The following FOXN4 variants were observed in gnomAD, a reference collection of about 807,000 sequenced individuals.
FOXN4 encodes forkhead box N4.
A neutral mutation model predicts 45.0 loss-of-function variants in FOXN4; 12 were observed. That is an observed-to-expected ratio of 0.27 (90% CI 0.17 to 0.43). The LOEUF is 0.43. Among genes scored for constraint, FOXN4 ranks in the 20% least tolerant of loss-of-function variants. The pLI is 1.00. For synonymous variants in FOXN4, 297 were observed against 295.0 expected (o/e 1.01, Z -0.07); for missense variants, 560 against 694.9 (o/e 0.81, Z 2.18).
chr12:109,287,263 G>T lies in FOXN4; in HGVS notation c.596+134C>A. 8.1e-7 allele frequency: 1 copy of T among 1,230,658 alleles called. No individual in the cohort carries two copies. Among genetic ancestry groups the T allele is most frequent in the South Asian group, 1.5e-5 (1 of 65,576 alleles). 76.2% of individuals were successfully genotyped at this position (1,230,658 alleles called of 1,614,324 possible). A position where few individuals can be genotyped will look rare whatever the true frequency, so the allele number is the denominator to read the frequency against. ...TCCTGAGAACAAGTCCCACCTGGGG[G>T]TTCCCCACTCCCCAAAACCTCCCCC... On this transcript the variant is annotated intron_variant, in intron 6 of 9. Transcript: ENST00000299162. This position sits in a 1 kb window ranked among gnomAD's most constrained non-coding sequence, Gnocchi z 4.1.
At chr12:109,280,763 C>T (rs1461591060) in intron 9 of FOXN4, among the ~76,000 whole-genome samples, 1 of 152,212 alleles carries the variant, frequency 6.6e-6, no homozygotes, top group Admixed American at 6.5e-5. Flanking sequence ...TGCACCTGTG[C>T]TAGTGAATGG....
chr12:109,290,387 T>A lies in FOXN4; in HGVS notation c.87-101A>T. The A allele has an allele frequency of 7.2e-7, 1 of 1,387,280 alleles. No homozygotes were observed. The highest frequency in any genetic ancestry group is 9.5e-7 in the Non-Finnish European group (1 of 1,047,346). The allele number at this position is 1,387,280 out of a possible 1,614,324, so 85.9% of individuals were successfully genotyped here. The stretch of plus-strand genomic sequence containing the variant: ...AAGCACCCGCTTAATGTGCCTCATC[T>A]CCCCAAGCCACGCCAGCCCTCCAAC... On this transcript the variant is annotated intron_variant, in intron 2 of 9. Coordinates refer to ENST00000299162, the MANE Select transcript of FOXN4 (RefSeq NM_213596.3). This position sits in a 1 kb window ranked among gnomAD's most constrained non-coding sequence, Gnocchi z 5.1.
chr12:109,308,378 G>T, intron 1 of FOXN4, 54 bp from the exon 2 acceptor site: 2 of 1,227,782 alleles, frequency 1.6e-6, no homozygotes, highest in Non-Finnish European at 2.3e-6. Flanking sequence ...ATATGGACAG[G>T]GCAGAAACCC....
Position 109,286,746 on chromosome 12 carries a change from TG to T in FOXN4, c.597-3del. ...TTCAGGGCCATGGCGATCAGACAGC[TG>T]GGGGCAGGAGGTGGGGCAGGGCAGG... On this transcript the variant is annotated splice_region_variant and splice_polypyrimidine_tract_variant and intron_variant, in intron 6 of 9. Coordinates refer to ENST00000299162, the MANE Select transcript of FOXN4 (RefSeq NM_213596.3). The T allele has an allele frequency of 6.2e-7, 1 of 1,602,512 alleles. No individual in the cohort carries two copies.
At chr12:109,286,025 A>C (rs2047707118) in intron 7 of FOXN4, among the ~76,000 whole-genome samples, 1 of 152,170 alleles carries the variant, frequency 6.6e-6, no homozygotes, top group Middle Eastern at 3.4e-3. Flanking sequence ...ACCACCAGCA[A>C]ATTATTTTTA....
intron 2 of FOXN4, among the ~76,000 whole-genome samples, chr12:109,293,012 C>G (rs1048073345): frequency 3.3e-5 from 5 of 152,120 alleles, no homozygotes; most frequent in Non-Finnish European, 7.4e-5. Flanking sequence ...CCTTCTGCAG[C>G]CCCCCGCAGG....
rs2047751403 is a variant in FOXN4, at chr12:109,290,072, G to A, written c.232+69C>T. ...CGGGTCATGGCTGCACAGTGGGTGG[G>A]TGGCAGGGCTGGGAATCACCCCTCT... On this transcript the variant is annotated intron_variant, in intron 3 of 9. Coordinates refer to ENST00000299162, the MANE Select transcript of FOXN4 (RefSeq NM_213596.3). This position sits in a 1 kb window ranked among gnomAD's most constrained non-coding sequence, Gnocchi z 5.1. The A allele has an allele frequency of 6.8e-7, 1 of 1,460,620 alleles. No homozygotes were observed. The highest frequency in any genetic ancestry group is 9.1e-7 in the Non-Finnish European group (1 of 1,097,468). The allele number at this position is 1,460,620 out of a possible 1,614,324, so 90.5% of individuals were successfully genotyped here.
chr12:109,280,342 CAAAA>C (rs34879457), intron 9 of FOXN4, among the ~76,000 whole-genome samples: 2 of 53,530 alleles, frequency 3.7e-5, no homozygotes, highest in Admixed American at 2.4e-4. Context: ...GACTCCACCT[CAAAA>C]AAAAAAAAAA....
rs149054100 is a variant in FOXN4, at chr12:109,285,820, G to A, written c.694-309C>T. Among the ~76,000 whole-genome samples the A allele has an allele frequency of 4.4e-4, 67 of 151,932 alleles. 2 individuals are homozygous for A. The South Asian group carries it at 0.012, about 28-fold the overall frequency. On this transcript the variant is annotated intron_variant, in intron 7 of 9. Transcript: ENST00000299162. The stretch of plus-strand genomic sequence containing the variant: ...ATTCAGGAAGCAAGCAAGGAAGAAT[G>A]ATGCCAATAAATGGATAACTGATCG...
rs558886690 is a variant in FOXN4 at position 109,305,020 on chromosome 12, C to A, written c.86+3216G>T. On this transcript the variant is annotated intron_variant, in intron 2 of 9. Coordinates refer to ENST00000299162, the MANE Select transcript of FOXN4 (RefSeq NM_213596.3). ...CCTGAGGCTCAGAGAGAGGCAGTGA[C>A]TACTCCAGGGTCACACTGAGGTGAG... 5.3e-5 allele frequency among the ~76,000 whole-genome samples: 8 copies of A among 152,330 alleles called. No individual in the cohort carries two copies. The East Asian group carries it at 1.3e-3, about 26-fold the overall frequency.
chr12:109,281,138 G>T (rs1190548718), intron 9 of FOXN4, among the ~76,000 whole-genome samples: 1 of 152,196 alleles, frequency 6.6e-6, no homozygotes, highest in East Asian at 1.9e-4. Flanking sequence ...GCTATAACAG[G>T]TTGAACATCC....
Position 109,287,604 on chromosome 12 carries a change from C to T in FOXN4, c.469-80G>A. Reference sequence around the variant, plus strand: ...ATAACATACGTCACTCACAGTAACACTGTCCCCACCCCAGTTTCAAAACAC... The same window carrying T: ...ATAACATACGTCACTCACAGTAACATTGTCCCCACCCCAGTTTCAAAACAC... On this transcript the variant is annotated intron_variant, in intron 5 of 9. Transcript: ENST00000299162. This position sits in a 1 kb window ranked among gnomAD's most constrained non-coding sequence, Gnocchi z 4.1. 1.4e-6 allele frequency: 2 copies of T among 1,442,442 alleles called. No homozygotes were observed. The highest frequency in any genetic ancestry group is 2.8e-5 in the Admixed American group (1 of 36,024). 89.4% of individuals were successfully genotyped at this position (1,442,442 alleles called of 1,614,324 possible). A position where few individuals can be genotyped will look rare whatever the true frequency, so the allele number is the denominator to read the frequency against.
chr12:109,285,540 C>G, intron 7 of FOXN4, 29 bp from the exon 8 acceptor site: 1 of 1,612,050 alleles, frequency 6.2e-7, no homozygotes, highest in Non-Finnish European at 8.5e-7. Flanking sequence ...ATTCAGAGGC[C>G]TCCCTGTAAG....
intron 2 of FOXN4, among the ~76,000 whole-genome samples, chr12:109,304,434 A>T (rs1277539331): frequency 6.6e-6 from 1 of 152,146 alleles, no homozygotes; most frequent in East Asian, 1.9e-4. Flanking sequence ...CTAAGGGTGG[A>T]CTTTCCTCCC....
intron 2 of FOXN4, among the ~76,000 whole-genome samples, chr12:109,302,426 T>C (rs1009915809): frequency 4.6e-5 from 7 of 152,256 alleles, no homozygotes; most frequent in African/African-American, 1.7e-4. Context: ...CTTAGGTTGA[T>C]ACAGCAATTG....
Position 109,287,471 on chromosome 12 carries a change from G to A in FOXN4, c.522C>T (p.Pro174=). 3 of 1,550,682 alleles carry A rather than the reference G, an allele frequency of 1.9e-6. No individual in the cohort carries two copies. Among genetic ancestry groups the A allele is most frequent in the South Asian group, 2.4e-5 (2 of 83,946 alleles). The stretch of plus-strand genomic sequence containing the variant: ...ATGAATGCACAGCCACGTGGGGCTG[G>A]GGGTAGGGGGGCCGCACCCCAAATG... ...GPPFGVRPPY[P]QPHVAVHSSQ... The change falls in exon 6 of 10, where the codon CCC becomes CCT. Residue 174 remains proline (P), a synonymous_variant. Transcript: ENST00000299162. This position sits in a 1 kb window ranked among gnomAD's most constrained non-coding sequence, Gnocchi z 4.1.
chr12:109,283,475 C>CTTTT (rs5800847), intron 8 of FOXN4, among the ~76,000 whole-genome samples: 1 of 129,700 alleles, frequency 7.7e-6, no homozygotes, highest in Non-Finnish European at 1.6e-5. Flanking sequence ...TGTTTGAGAA[C>CTTTT]TTTTTTTTTT....
At chr12:109,305,431 G>A (rs758030032) in intron 2 of FOXN4, among the ~76,000 whole-genome samples, 1 of 152,092 alleles carries the variant, frequency 6.6e-6, no homozygotes, top group Non-Finnish European at 1.5e-5. Context: ...CTGGCTGTTG[G>A]ATATAAGAAA....
intron 2 of FOXN4, among the ~76,000 whole-genome samples, chr12:109,295,300 A>G (rs190218517): frequency 6.6e-6 from 1 of 152,316 alleles, no homozygotes; most frequent in East Asian, 1.9e-4. Context: ...TAATTCAAAG[A>G]AAAAGGCACA....
Sources: allele counts gnomAD v4.1 joint callset (sites outside exome capture counted in the v4.1 genomes callset), GRCh38; gene constraint gnomAD v4.1.1; non-coding constraint Gnocchi (gnomAD v3.1); transcripts MANE v1.5; gene names NCBI Gene and HGNC (gene_info 2026-07-23, HGNC 2026-07-21).